The following CUL2 variants were observed in gnomAD, a reference collection of about 807,000 sequenced individuals.
CUL2 encodes cullin-2.
In CUL2, 22 loss-of-function variants were observed where a neutral mutation model predicts 110.2. That is an observed-to-expected ratio of 0.20 (90% CI 0.14 to 0.28). The LOEUF (loss-of-function observed/expected upper bound fraction) is 0.28, where lower values mean the gene tolerates loss of function less well. Among genes scored for constraint, CUL2 ranks in the 10% least tolerant of loss-of-function variants. The pLI, the probability that CUL2 is intolerant of heterozygous loss-of-function variation, is 1.00. For missense variants in CUL2, 631 were observed against 905.5 expected, an observed-to-expected ratio of 0.70 and a Z score of 3.89; for synonymous variants, 279 against 293.2, an observed-to-expected ratio of 0.95 and a Z score of 0.49.
chr10:35,080,527 G>C (rs1180318705), intron 1 of CUL2, among the ~76,000 whole-genome samples: 1 of 151,666 alleles, frequency 6.6e-6, no homozygotes, highest in Admixed American at 6.6e-5. Context: ...GTGTGATCCT[G>C]GTTCACTGCA....
chr10:35,073,017 A>G (rs1589036034), intron 1 of CUL2, among the ~76,000 whole-genome samples: 2 of 152,194 alleles, frequency 1.3e-5, no homozygotes, highest in Non-Finnish European at 2.9e-5. Flanking sequence ...CGGCCGCACC[A>G]CCAGCCACGG....
At chr10:35,052,843 C>G (rs2086146121) in intron 5 of CUL2, among the ~76,000 whole-genome samples, 1 of 146,598 alleles carries the variant, frequency 6.8e-6, no homozygotes, top group Non-Finnish European at 1.5e-5. Flanking sequence ...TGCAGTGAGC[C>G]AAGATCACAC....
At chr10:35,017,914 A>G (rs1723497647) in intron 17 of CUL2, among the ~76,000 whole-genome samples, 1 of 151,850 alleles carries the variant, frequency 6.6e-6, no homozygotes, top group Non-Finnish European at 1.5e-5. Flanking sequence ...ATGCAGATCA[A>G]AGAGCTGCTT....
rs190337947 is a variant in CUL2, at chr10:35,026,401, C to G, written c.1618-1203G>C. The stretch of plus-strand genomic sequence containing the variant: ...TAATTCACAATTTATAACACATTTA[C>G]AATGAATCTGGACAAAAGCAAAATA... On this transcript the variant is annotated intron_variant, in intron 16 of 20. Transcript: ENST00000374749. Among the ~76,000 whole-genome samples the G allele has an allele frequency of 2.3e-3, 356 of 152,272 alleles. 1 individual carries two copies. Among genetic ancestry groups the G allele is most frequent in the African/African-American group, 7.3e-3 (303 of 41,556 alleles).
chr10:35,029,728 C>A, intron 14 of CUL2, 88 bp from the exon 15 acceptor site: 1 of 1,008,722 alleles, frequency 9.9e-7, no homozygotes, highest in African/African-American at 1.7e-5. Context: ...ATTGCTAGGT[C>A]TTTGATCAAA....
At position 35,031,960 on chromosome 10, in the gene CUL2, A is replaced by T. The variant is rs1311935778; in HGVS notation, c.1171-341T>A. ...ATCATAAGGTAAATTTTTAAAAAGA[A>T]CAAGTCAAATATCAAATCATCACTT... On this transcript the variant is annotated intron_variant, in intron 12 of 20. Coordinates refer to ENST00000374749, the MANE Select transcript of CUL2 (RefSeq NM_003591.4). This position sits in a 1 kb window ranked among gnomAD's most constrained non-coding sequence, Gnocchi z 4.4. Among the ~76,000 whole-genome samples, 2 of 152,252 alleles carry T rather than the reference A, an allele frequency of 1.3e-5. No homozygotes were observed. The highest frequency in any genetic ancestry group is 2.9e-5 in the Non-Finnish European group (2 of 68,040).
chr10:35,114,206 G>C (rs976958774), intron 1 of CUL2, among the ~76,000 whole-genome samples: 7 of 151,882 alleles, frequency 4.6e-5, no homozygotes, highest in South Asian at 2.1e-4. Flanking sequence ...ACAAGTGTGA[G>C]CCACCGCACC....
chr10:35,038,853 G>A (rs1331678992), intron 9 of CUL2, 67 bp downstream of exon 9: 1 of 1,019,236 alleles, frequency 9.8e-7, no homozygotes, highest in Non-Finnish European at 1.4e-6. Flanking sequence ...TAAATCAAGG[G>A]TGACTAGAGG....
intron 1 of CUL2, among the ~76,000 whole-genome samples, chr10:35,117,419 A>G (rs1484753933): frequency 2.0e-5 from 3 of 152,008 alleles, no homozygotes; most frequent in African/African-American, 7.3e-5. Flanking sequence ...TTGTAGAGAC[A>G]AGGTCTCACT....
At chr10:35,075,170 A>C (rs2086784018) in intron 1 of CUL2, among the ~76,000 whole-genome samples, 1 of 152,240 alleles carries the variant, frequency 6.6e-6, no homozygotes, top group Non-Finnish European at 1.5e-5. Context: ...CAAATCTGGA[A>C]GCCAACGTGC....
In CUL2 at chr10:35,097,052, C is replaced by T. The variant is rs150038850; in HGVS notation, c.167+3792G>A. Among the ~76,000 whole-genome samples the T allele has an allele frequency of 7.6e-4, 115 of 152,164 alleles. 1 individual carries two copies. The highest frequency in any genetic ancestry group is 2.6e-3 in the African/African-American group (106 of 41,534). ...CTCGAACTCCTGTCTCCACATGACCCGTCCACCTCAACCTCCCAAAGTGCT... is the reference window on the plus strand; with the variant it reads ...CTCGAACTCCTGTCTCCACATGACCTGTCCACCTCAACCTCCCAAAGTGCT... On this transcript the variant is annotated intron_variant, in intron 2 of 5. Transcript: ENST00000685421.
At chr10:35,037,928 C>A (rs1336130131) in intron 9 of CUL2, among the ~76,000 whole-genome samples, 1 of 151,820 alleles carries the variant, frequency 6.6e-6, no homozygotes, top group East Asian at 1.9e-4. Context: ...CCGGGGCAAG[C>A]AGATTATCTG....
chr10:35,113,214 G>A (rs1343758380), intron 1 of CUL2, among the ~76,000 whole-genome samples: 3 of 145,386 alleles, frequency 2.1e-5, no homozygotes, highest in African/African-American at 5.1e-5. Flanking sequence ...AGAATTCAGC[G>A]GCCAGGTGCG....
At chr10:35,105,309 C>T (rs1210040543) in intron 1 of CUL2, among the ~76,000 whole-genome samples, 2 of 151,806 alleles carry the variant, frequency 1.3e-5, no homozygotes. Flanking sequence ...GCCTGTAGTC[C>T]CAGCTACTCT....
At chr10:35,020,748 T>C (rs1352438908) in intron 17 of CUL2, among the ~76,000 whole-genome samples, 1 of 152,226 alleles carries the variant, frequency 6.6e-6, no homozygotes, top group Admixed American at 6.5e-5. Flanking sequence ...TATCTCTTTA[T>C]CAAGTATCTG....
At chr10:35,059,053 T>A (rs1160240970) in intron 4 of CUL2, among the ~76,000 whole-genome samples, 3 of 152,198 alleles carry the variant, frequency 2.0e-5, no homozygotes, top group Non-Finnish European at 4.4e-5. Context: ...ATAACTTGAA[T>A]GGATAAGGAG....
chr10:35,043,101 G>A (rs1057077923), intron 8 of CUL2, among the ~76,000 whole-genome samples: 1 of 152,074 alleles, frequency 6.6e-6, no homozygotes. Flanking sequence ...AACATGGTTT[G>A]AGAGAGTTTT....
chr10:35,120,812 C>T (rs2087669006), intron 1 of CUL2, among the ~76,000 whole-genome samples: 1 of 152,060 alleles, frequency 6.6e-6, no homozygotes, highest in Admixed American at 6.6e-5. Flanking sequence ...GGGAGGACTG[C>T]TTGAGCCCAG....
At chr10:35,019,259 G>A (rs1283698384) in intron 17 of CUL2, among the ~76,000 whole-genome samples, 2 of 152,164 alleles carry the variant, frequency 1.3e-5, no homozygotes, top group Non-Finnish European at 2.9e-5. Flanking sequence ...AAAGCAGAAT[G>A]AGTCTTCTGC....
Sources: gnomAD v4.1 joint callset for allele counts (sites outside exome capture counted in the v4.1 genomes callset) on GRCh38, gnomAD v4.1.1 for gene constraint, Gnocchi (gnomAD v3.1) non-coding constraint, MANE v1.5 for transcripts, NCBI Gene and HGNC (gene_info 2026-07-23, HGNC 2026-07-21) for gene names.